Variants in PCDHGA1 observed in about 807,000 individuals in gnomAD.
PCDHGA1 encodes the protein protocadherin gamma subfamily A, 1.
Under a neutral mutation model 58.0 loss-of-function variants are expected in PCDHGA1, and 32 were observed. The observed-to-expected ratio is 0.55, with a 90% CI of 0.42 to 0.74. PCDHGA1 has a LOEUF of 0.74. PCDHGA1 is among the 30% of genes least tolerant of loss of function. The probability of loss-of-function intolerance (pLI) is 0.00; values close to 1 mark genes in which losing one functional copy is unlikely to be tolerated. For missense variants in PCDHGA1, 1,205 were observed against 1,182.3 expected (o/e 1.02, Z -0.28); for synonymous variants, 498 against 501.1 (o/e 0.99, Z 0.08).
At chr5:141,462,497 T>C (rs1333421053) in intron 1 of PCDHGA1, among the ~76,000 whole-genome samples, 1 of 152,244 alleles carries the variant, frequency 6.6e-6, no homozygotes, top group Non-Finnish European at 1.5e-5. Flanking sequence ...TATCCTATAA[T>C]TGTCAACTAG....
At position 141,372,017 on chromosome 5, in the gene PCDHGA1, G is replaced by A. The variant is rs1404745183; in HGVS notation, c.2421+38912G>A. Reference sequence around the variant, plus strand: ...AGGCCCGCGACCAGGGCTCGCCTACGCTCAGCGCCAACGTGAGCCTGCGCG... The same window carrying A: ...AGGCCCGCGACCAGGGCTCGCCTACACTCAGCGCCAACGTGAGCCTGCGCG... On this transcript the variant is annotated intron_variant, in intron 1 of 3. Coordinates refer to ENST00000517417, the MANE Select transcript of PCDHGA1 (RefSeq NM_018912.3). The A allele has an allele frequency of 4.3e-6, 7 of 1,613,220 alleles. No homozygotes were observed. The African/African-American group carries it at 9.3e-5, about 22-fold the overall frequency.
In PCDHGA1 at chr5:141,385,469, C is replaced by T. The variant is rs536184133; in HGVS notation, c.2421+52364C>T. 3.5e-5 allele frequency: 50 copies of T among 1,439,702 alleles called. No homozygotes were observed. In the South Asian group the frequency reaches 7.4e-4, roughly 21 times the overall value. The allele number at this position is 1,439,702 out of a possible 1,614,324, so 89.2% of individuals were successfully genotyped here. ...GTTTACCAGTTTCCTTCAGTGGTGA[C>T]ACTTTAATATAGAACACATAGGATA... On this transcript the variant is annotated intron_variant, in intron 1 of 3. Transcript: ENST00000517417.
chr5:141,488,186 G>T (rs1005725656), intron 1 of PCDHGA1, among the ~76,000 whole-genome samples: 2 of 152,180 alleles, frequency 1.3e-5, no homozygotes, highest in South Asian at 2.1e-4. Context: ...AGATCTTTTG[G>T]TCTGGGTCTT....
chr5:141,496,663 G>A (rs2099770279), intron 2 of PCDHGA1, among the ~76,000 whole-genome samples: 1 of 152,196 alleles, frequency 6.6e-6, no homozygotes, highest in Admixed American at 6.5e-5. Context: ...GACCCCAGCT[G>A]TTGTCCTTCT....
intron 1 of PCDHGA1, among the ~76,000 whole-genome samples, chr5:141,466,436 G>A (rs181613158): frequency 1.3e-5 from 2 of 152,270 alleles, no homozygotes; most frequent in East Asian, 1.9e-4. Context: ...AAGCTGAACC[G>A]AGATGTCTAT....
intron 1 of PCDHGA1, chr5:141,360,970 T>C: frequency 6.2e-7 from 1 of 1,613,884 alleles, no homozygotes; most frequent in Non-Finnish European, 8.5e-7. Flanking sequence ...AGAGATCACC[T>C]ACTCCTTTCA....
chr5:141,431,420 G>A lies in PCDHGA1; in HGVS notation c.2422-63387G>A, dbSNP rs780266425. ...TACGGCCTCCGACGGGGGCGACCCG[G>A]TGCGCACAGGCACCGCGCGCATCCG... On this transcript the variant is annotated intron_variant, in intron 1 of 3. Coordinates refer to ENST00000517417, the MANE Select transcript of PCDHGA1 (RefSeq NM_018912.3). The surrounding 1 kb of genome is among the most constrained non-coding windows in gnomAD (Gnocchi z 4.8). 5 of 1,613,592 alleles carry A rather than the reference G, an allele frequency of 3.1e-6. No homozygotes were observed. The highest frequency in any genetic ancestry group is 3.4e-6 in the Non-Finnish European group (4 of 1,180,050).
intron 1 of PCDHGA1, chr5:141,366,021 A>G (rs1165223117): frequency 1.9e-6 from 3 of 1,614,092 alleles, no homozygotes; most frequent in Non-Finnish European, 1.7e-6. Flanking sequence ...GAGATCCTGT[A>G]CCCCGCCCTC....
rs2093964070 is a variant in PCDHGA1, at chr5:141,400,115, G to A, written c.2421+67010G>A. On this transcript the variant is annotated intron_variant, in intron 1 of 3. Coordinates refer to ENST00000517417, the MANE Select transcript of PCDHGA1 (RefSeq NM_018912.3). ...ACGCTGCACTTGGTCTTTGCTGACA[G>A]CTTGCAGGAGGTGCTGCCGGATATC... The A allele has an allele frequency of 1.9e-6, 3 of 1,613,966 alleles. No individual in the cohort carries two copies. The African/African-American group carries it at 4.0e-5, about 22-fold the overall frequency.
Position 141,486,785 on chromosome 5 carries a change from C to G in PCDHGA1, c.2422-8022C>G, listed in dbSNP as rs763174232. The G allele has an allele frequency of 2.8e-5, 45 of 1,614,102 alleles. No homozygotes were observed. The highest frequency in any genetic ancestry group is 3.6e-5 in the Non-Finnish European group (42 of 1,180,050). On this transcript the variant is annotated intron_variant, in intron 1 of 3. Coordinates refer to ENST00000517417, the MANE Select transcript of PCDHGA1 (RefSeq NM_018912.3). The surrounding 1 kb of genome is among the most constrained non-coding windows in gnomAD (Gnocchi z 5.0). ...GACACTGCAGTTTGAGGTGCAGGCC[C>G]GGGATCGGGGCAACCCACCCCTTAG... is the stretch of plus-strand genomic sequence containing the variant.
chr5:141,393,220 A>G (rs2092705422), intron 1 of PCDHGA1: 15 of 1,613,684 alleles, frequency 9.3e-6, no homozygotes, highest in Non-Finnish European at 1.3e-5. Context: ...TTCCAGGTCG[A>G]AGATCTAGAA....
chr5:141,415,055 C>A (rs767474996), intron 1 of PCDHGA1: 1 of 1,613,402 alleles, frequency 6.2e-7, no homozygotes, highest in Non-Finnish European at 8.5e-7. Context: ...GGGGAGCACA[C>A]GGGCGAGGTG....
chr5:141,478,127 C>T (rs1323163663), intron 1 of PCDHGA1: 1 of 1,613,988 alleles, frequency 6.2e-7, no homozygotes, highest in Admixed American at 1.7e-5. Flanking sequence ...CGAGGACTCT[C>T]CTGAAGCCCG....
chr5:141,362,542 G>A, intron 1 of PCDHGA1: 1 of 1,613,768 alleles, frequency 6.2e-7, no homozygotes, highest in Non-Finnish European at 8.5e-7. Context: ...TTTTGCCTCA[G>A]ATACTATTTT....
rs561569572 is a variant in PCDHGA1, at chr5:141,512,054, C to A, written c.*881C>A. 6.5e-6 allele frequency: 1 copy of A among 152,828 alleles called. No individual in the cohort carries two copies. The highest frequency in any genetic ancestry group is 1.9e-4 in the East Asian group (1 of 5,184). The allele number at this position is 152,828 out of a possible 1,614,324, so 9.5% of individuals were successfully genotyped here. On this transcript the variant is annotated 3_prime_UTR_variant, in exon 4 of 4. Coordinates refer to ENST00000517417, the MANE Select transcript of PCDHGA1 (RefSeq NM_018912.3). Reference sequence around the variant, plus strand: ...GGAGGCTCTGTATGTCCTCAGGGGACTGACAACATCCTCCAGATTCCAGCC... The same window carrying A: ...GGAGGCTCTGTATGTCCTCAGGGGAATGACAACATCCTCCAGATTCCAGCC...
Position 141,485,626 on chromosome 5 carries a change from T to A in PCDHGA1, c.2422-9181T>A, listed in dbSNP as rs2099616815. 6.2e-7 allele frequency: 1 copy of A among 1,611,740 alleles called. No individual in the cohort carries two copies. On this transcript the variant is annotated intron_variant, in intron 1 of 3. Coordinates refer to ENST00000517417, the MANE Select transcript of PCDHGA1 (RefSeq NM_018912.3). This position sits in a 1 kb window ranked among gnomAD's most constrained non-coding sequence, Gnocchi z 5.7. Reference sequence around the variant, plus strand: ...GGGAGGCAGCTCCTCCAGGACAGCGTTTCCCGTTGGAAAAGGCTCAGGATG... The same window carrying A: ...GGGAGGCAGCTCCTCCAGGACAGCGATTCCCGTTGGAAAAGGCTCAGGATG...
At chr5:141,395,375 G>A (rs761076022) in intron 1 of PCDHGA1, 34 of 1,180,184 alleles carry the variant, frequency 2.9e-5, no homozygotes, top group Non-Finnish European at 3.3e-5. Flanking sequence ...TTTTGGTGGT[G>A]TTACTATAAA....
chr5:141,361,556 T>C, intron 1 of PCDHGA1: 1 of 1,614,058 alleles, frequency 6.2e-7, no homozygotes, highest in Non-Finnish European at 8.5e-7. Context: ...ATCGCTCAAA[T>C]CAGTGCCTCT....
Position 141,432,097 on chromosome 5 carries a change from C to A in PCDHGA1, c.2422-62710C>A. The A allele has an allele frequency of 1.9e-6, 3 of 1,614,184 alleles. No individual in the cohort carries two copies. Among genetic ancestry groups the A allele is most frequent in the Non-Finnish European group, 1.7e-6 (2 of 1,180,034 alleles). On this transcript the variant is annotated intron_variant, in intron 1 of 3. Transcript: ENST00000517417. This position sits in a 1 kb window ranked among gnomAD's most constrained non-coding sequence, Gnocchi z 6.0. ...TCTCGCTGAACGTGGCAGACACCAA[C>A]GACAACCCGCCGGTCTTCCCTCAGG...
Sources: allele counts gnomAD v4.1 joint callset (sites outside exome capture counted in the v4.1 genomes callset), GRCh38; gene constraint gnomAD v4.1.1; non-coding constraint Gnocchi (gnomAD v3.1); transcripts MANE v1.5; gene names NCBI Gene and HGNC (gene_info 2026-07-23, HGNC 2026-07-21).